The following RUNX3 variants were observed in gnomAD, a reference collection of about 807,000 sequenced individuals.
RUNX3 encodes the protein RUNX family transcription factor 3, also known as runt-related transcription factor 3.
Under a neutral mutation model 27.7 loss-of-function variants are expected in RUNX3, and 10 were observed. That is an observed-to-expected ratio of 0.36 (90% CI 0.22 to 0.61). The LOEUF is 0.61. Among genes scored for constraint, RUNX3 ranks in the 20% least tolerant of loss-of-function variants. RUNX3 has a pLI of 0.72. For synonymous variants in RUNX3, 270 were observed against 269.2 expected (o/e 1.00, Z -0.03); for missense variants, 469 against 629.5 (o/e 0.75, Z 2.73).
At chr1:24,961,017 G>A (rs991085509) in intron 2 of RUNX3, among the ~76,000 whole-genome samples, 1 of 152,142 alleles carries the variant, frequency 6.6e-6, no homozygotes, top group Non-Finnish European at 1.5e-5. Flanking sequence ...GAGGGTAGGC[G>A]TTGCCCTCTT....
At chr1:24,903,484 C>A (rs1292852742) in intron 4 of RUNX3, among the ~76,000 whole-genome samples, 1 of 152,210 alleles carries the variant, frequency 6.6e-6, no homozygotes, top group Non-Finnish European at 1.5e-5. Flanking sequence ...CCAGACTCTG[C>A]CCCTGCTCCC....
At chr1:24,951,108 A>G (rs1222112182) in intron 2 of RUNX3, among the ~76,000 whole-genome samples, 1 of 148,520 alleles carries the variant, frequency 6.7e-6, no homozygotes. Flanking sequence ...CGGAAGGCTG[A>G]GGTAGAAGAA....
At position 24,923,864 on chromosome 1, in the gene RUNX3, G is replaced by A. The variant is rs1641046517; in HGVS notation, c.439+3710C>T. ...TTAACCAGTTGATCACAGCTCGAGA[G>A]CTCATGTGCTTTTCATTTTCACTTA... is the stretch of plus-strand genomic sequence containing the variant. On this transcript the variant is annotated intron_variant, in intron 2 of 4. Transcript: ENST00000308873. This position sits in a 1 kb window ranked among gnomAD's most constrained non-coding sequence, Gnocchi z 5.9. Among the ~76,000 whole-genome samples, 1 of 152,174 alleles carries A rather than the reference G, an allele frequency of 6.6e-6. No homozygotes were observed. Among genetic ancestry groups the A allele is most frequent in the South Asian group, 2.1e-4 (1 of 4,830 alleles).
chr1:24,908,480 G>A (rs1640729795), intron 3 of RUNX3, among the ~76,000 whole-genome samples: 1 of 151,532 alleles, frequency 6.6e-6, no homozygotes, highest in South Asian at 2.1e-4. Context: ...ACCCCTGTCT[G>A]TACAAAAATT....
chr1:24,900,202 TGAG>T lies in RUNX3; in HGVS notation c.*1917_*1919del, dbSNP rs1353431122. 5.9e-5 allele frequency: 9 copies of T among 152,352 alleles called. No homozygotes were observed. Among genetic ancestry groups the T allele is most frequent in the African/African-American group, 1.9e-4 (8 of 41,432 alleles). 9.4% of individuals were successfully genotyped at this position (152,352 alleles called of 1,614,324 possible). On this transcript the variant is annotated 3_prime_UTR_variant, in exon 5 of 5. Coordinates refer to ENST00000308873, the MANE Select transcript of RUNX3 (RefSeq NM_004350.3). ...GGGTGCAGGGAGTCAGCAACTATTT[TGAG>T]GAGATGGAGACTGTTTTTCCAGTGA...
chr1:24,960,872 C>T (rs1642092480), intron 2 of RUNX3, among the ~76,000 whole-genome samples: 1 of 152,114 alleles, frequency 6.6e-6, no homozygotes. Context: ...GCTCTTAGGT[C>T]TCAGCTTCCC....
At chr1:24,958,825 G>A (rs558050123) in intron 2 of RUNX3, among the ~76,000 whole-genome samples, 3 of 152,372 alleles carry the variant, frequency 2.0e-5, no homozygotes, top group African/African-American at 7.2e-5. Context: ...TCCTAGCAGA[G>A]GGGGTGTTTG....
At chr1:24,959,318 T>TG (rs1642038031) in intron 2 of RUNX3, among the ~76,000 whole-genome samples, 1 of 151,848 alleles carries the variant, frequency 6.6e-6, no homozygotes, top group Non-Finnish European at 1.5e-5. Context: ...CTGTGGGCAG[T>TG]GGGGGGCTCC....
rs1305296139 is a variant in RUNX3 at position 24,923,554 on chromosome 1, G to C, written c.439+4020C>G. Among the ~76,000 whole-genome samples, 1 of 152,038 alleles carries C rather than the reference G, an allele frequency of 6.6e-6. No individual in the cohort carries two copies. The highest frequency in any genetic ancestry group is 1.5e-5 in the Non-Finnish European group (1 of 67,992). Reference sequence around the variant, plus strand: ...GGTCTGGGAAATGGGTTTCCTTTAGGGCTCCAGAAACTCCTCCAGGACCCA... The same window carrying C: ...GGTCTGGGAAATGGGTTTCCTTTAGCGCTCCAGAAACTCCTCCAGGACCCA... On this transcript the variant is annotated intron_variant, in intron 2 of 4. Coordinates refer to ENST00000308873, the MANE Select transcript of RUNX3 (RefSeq NM_004350.3). The surrounding 1 kb of genome is among the most constrained non-coding windows in gnomAD (Gnocchi z 5.9).
intron 2 of RUNX3, among the ~76,000 whole-genome samples, chr1:24,953,975 C>A (rs547189996): frequency 6.6e-6 from 1 of 152,052 alleles, no homozygotes; most frequent in African/African-American, 2.4e-5. Context: ...TGCAGTGGCA[C>A]GATCATAGTT....
At chr1:24,932,517 G>T (rs1208945123), upstream of RUNX3, among the ~76,000 whole-genome samples, 1 of 152,182 alleles carries the variant, frequency 6.6e-6, no homozygotes, top group African/African-American at 2.4e-5. Context: ...CGCCCCCGAG[G>T]AGCTGCCCTT....
At chr1:24,929,312 T>A (rs1249510994) in intron 1 of RUNX3, 12 of 669,824 alleles carry the variant, frequency 1.8e-5, no homozygotes, top group Admixed American at 8.2e-5. Context: ...CAAAACCCCA[T>A]CCGCCCATTT....
At chr1:24,955,226 G>A (rs565298536) in intron 2 of RUNX3, among the ~76,000 whole-genome samples, 27 of 152,144 alleles carry the variant, frequency 1.8e-4, no homozygotes, top group Non-Finnish European at 3.5e-4. Context: ...TTGCATAGAG[G>A]AGGATATGAA....
intron 2 of RUNX3, among the ~76,000 whole-genome samples, chr1:24,958,703 T>C (rs369548476): frequency 7.2e-4 from 110 of 152,228 alleles, no homozygotes; most frequent in African/African-American, 2.5e-3. Context: ...TTCCTTCTCT[T>C]TACTTCCACT....
At chr1:24,906,147 A>C (rs924533043) in intron 4 of RUNX3, among the ~76,000 whole-genome samples, 2 of 152,202 alleles carry the variant, frequency 1.3e-5, no homozygotes, top group African/African-American at 4.8e-5. Flanking sequence ...CCCCCACCTC[A>C]GCGTGGCACC....
chr1:24,934,720 G>A (rs1641309258), upstream of RUNX3, among the ~76,000 whole-genome samples: 3 of 152,154 alleles, frequency 2.0e-5, no homozygotes. Flanking sequence ...AGTCTGCTCT[G>A]GTTCAAAATG....
At chr1:24,931,788 C>T (rs1557848205), upstream of RUNX3, among the ~76,000 whole-genome samples, 2 of 152,234 alleles carry the variant, frequency 1.3e-5, no homozygotes, top group South Asian at 2.1e-4. Flanking sequence ...GAGCTGGCCC[C>T]TACCCACCTC....
intron 2 of RUNX3, among the ~76,000 whole-genome samples, chr1:24,944,585 G>A (rs2124345140): frequency 6.6e-6 from 1 of 152,342 alleles, no homozygotes; most frequent in East Asian, 1.9e-4. Flanking sequence ...CCCCAGGTGG[G>A]CCCCATATGA....
intron 3 of RUNX3, among the ~76,000 whole-genome samples, chr1:24,917,474 C>T (rs950493868): frequency 1.3e-5 from 2 of 152,132 alleles, no homozygotes; most frequent in African/African-American, 2.4e-5. Flanking sequence ...GTGCTACGGC[C>T]ACGTGCTGTC....
Sources: allele counts gnomAD v4.1 joint callset (sites outside exome capture counted in the v4.1 genomes callset), GRCh38; gene constraint gnomAD v4.1.1; non-coding constraint Gnocchi (gnomAD v3.1); transcripts MANE v1.5; gene names NCBI Gene and HGNC (gene_info 2026-07-23, HGNC 2026-07-21).